Variants in RFX3 observed in about 807,000 individuals in gnomAD.
The protein encoded by RFX3 is transcription factor RFX3.
RFX3 carries 14 observed loss-of-function variants against 98.6 expected under a neutral mutation model. The observed-to-expected ratio is 0.14, with a 90% CI of 0.09 to 0.22. The LOEUF is 0.22. RFX3 is among the 10% of genes least tolerant of loss of function. The pLI, the probability that RFX3 is intolerant of heterozygous loss-of-function variation, is 1.00. For missense variants in RFX3, 639 were observed against 926.9 expected (o/e 0.69, Z 4.03); for synonymous variants, 383 against 328.4 (o/e 1.17, Z -1.80).
chr9:3,287,032 G>A (rs1017146260), intron 7 of RFX3, among the ~76,000 whole-genome samples: 1 of 151,824 alleles, frequency 6.6e-6, no homozygotes, highest in South Asian at 2.1e-4. Context: ...TTCCCAGACT[G>A]TATTCCATTT....
At chr9:3,345,325 A>G (rs1459653636) in intron 3 of RFX3, among the ~76,000 whole-genome samples, 13 of 152,292 alleles carry the variant, frequency 8.5e-5, no homozygotes, top group East Asian at 1.9e-4. Flanking sequence ...ATATTTGGGG[A>G]AAAATGCACA....
At chr9:3,352,466 A>G (rs937495235) in intron 2 of RFX3, among the ~76,000 whole-genome samples, 1 of 152,050 alleles carries the variant, frequency 6.6e-6, no homozygotes, top group Non-Finnish European at 1.5e-5. Flanking sequence ...AATATATTAC[A>G]TACATATTAA....
intron 1 of RFX3, among the ~76,000 whole-genome samples, chr9:3,459,686 C>T (rs1384924326): frequency 6.6e-6 from 1 of 151,966 alleles, no homozygotes; most frequent in Non-Finnish European, 1.5e-5. Flanking sequence ...CCTTTTTGTT[C>T]TGTGCTTCAG....
At chr9:3,326,206 T>C (rs978527428) in intron 4 of RFX3, among the ~76,000 whole-genome samples, 12 of 152,112 alleles carry the variant, frequency 7.9e-5, no homozygotes, top group African/African-American at 2.9e-4. Flanking sequence ...ACATGGACCA[T>C]ATAAAAGGAA....
chr9:3,465,706 A>G (rs1368017024), intron 1 of RFX3, among the ~76,000 whole-genome samples: 1 of 152,158 alleles, frequency 6.6e-6, no homozygotes, highest in Non-Finnish European at 1.5e-5. Flanking sequence ...TTTACAGTAT[A>G]CAAAGAAGAG....
chr9:3,394,680 G>C (rs547419493), intron 2 of RFX3: 2 of 241,428 alleles, frequency 8.3e-6, no homozygotes, highest in South Asian at 1.5e-4. Flanking sequence ...AATTGTAAGA[G>C]CAACGTTTGC....
intron 1 of RFX3, among the ~76,000 whole-genome samples, chr9:3,518,434 T>C (rs1457705104): frequency 6.6e-6 from 1 of 152,098 alleles, no homozygotes; most frequent in Non-Finnish European, 1.5e-5. Flanking sequence ...AACTAAACAC[T>C]TAACGGGAGT....
intron 15 of RFX3, among the ~76,000 whole-genome samples, chr9:3,245,756 A>G (rs1240072498): frequency 6.6e-6 from 1 of 152,116 alleles, no homozygotes; most frequent in Non-Finnish European, 1.5e-5. Context: ...TGTGGTTGCT[A>G]TTATTACTCA....
chr9:3,308,125 A>G (rs1829544721), intron 4 of RFX3, among the ~76,000 whole-genome samples: 1 of 152,156 alleles, frequency 6.6e-6, no homozygotes, highest in Non-Finnish European at 1.5e-5. Context: ...TATGTAATCT[A>G]TTAAATGATC....
chr9:3,289,424 A>G (rs1249625552), intron 6 of RFX3, among the ~76,000 whole-genome samples: 2 of 152,126 alleles, frequency 1.3e-5, no homozygotes, highest in Admixed American at 6.6e-5. Context: ...ACTTGCAGAG[A>G]TTAGATCTTG....
intron 2 of RFX3, among the ~76,000 whole-genome samples, chr9:3,353,643 T>C (rs1835415911): frequency 6.6e-6 from 1 of 151,982 alleles, no homozygotes; most frequent in South Asian, 2.1e-4. Flanking sequence ...CTCATCCTAA[T>C]GAAGCTAAAA....
intron 1 of RFX3, among the ~76,000 whole-genome samples, chr9:3,505,242 A>ATATT (rs1564186873): frequency 1.4e-4 from 10 of 73,758 alleles, no homozygotes; most frequent in Middle Eastern, 0.016. Context: ...ATATATATTT[A>ATATT]TATATATATG....
intron 13 of RFX3, among the ~76,000 whole-genome samples, chr9:3,262,455 G>C (rs1823038007): frequency 6.6e-6 from 1 of 152,076 alleles, no homozygotes; most frequent in African/African-American, 2.4e-5. Flanking sequence ...CTCTGAAATA[G>C]AATTGTTCTT....
chr9:3,524,286 C>T (rs1192957185), intron 1 of RFX3, among the ~76,000 whole-genome samples: 1 of 151,876 alleles, frequency 6.6e-6, no homozygotes, highest in Non-Finnish European at 1.5e-5. Context: ...CAAGAACCTA[C>T]TATATAAGGA....
rs190366752 is a variant in RFX3, at chr9:3,454,935, C to T, written c.-8-59339G>A. ...CTGAGACTCATACCCAAGTCTCCCG[C>T]CCCTAAATGTATCTTCATTGTCTCC... On this transcript the variant is annotated intron_variant, in intron 1 of 16. Coordinates refer to ENST00000617270, the MANE Select transcript of RFX3 (RefSeq NM_001282116.2). Among the ~76,000 whole-genome samples the T allele has an allele frequency of 4.0e-3, 606 of 152,260 alleles. 5 individuals carry two copies. Among genetic ancestry groups the T allele is most frequent in the African/African-American group, 0.014 (575 of 41,518 alleles).
intron 2 of RFX3, among the ~76,000 whole-genome samples, chr9:3,384,283 T>C (rs186748925): frequency 1.3e-5 from 2 of 152,286 alleles, no homozygotes; most frequent in Non-Finnish European, 2.9e-5. Flanking sequence ...TTTACTGGTT[T>C]CATGAAAGAG....
chr9:3,401,129 C>A (rs72699081), intron 1 of RFX3, among the ~76,000 whole-genome samples: 2,955 of 152,304 alleles, frequency 0.019, 41 homozygotes, highest in Non-Finnish European at 0.031. Context: ...GGAAGTATTT[C>A]TTCTCTTTCA....
intron 4 of RFX3, among the ~76,000 whole-genome samples, chr9:3,305,183 T>C (rs373991054): frequency 3.6e-4 from 54 of 152,076 alleles, no homozygotes; most frequent in African/African-American, 1.2e-3. Flanking sequence ...ACCTAGTTTG[T>C]AGGGCATGAG....
intron 3 of RFX3, among the ~76,000 whole-genome samples, chr9:3,338,542 C>G (rs1246271668): frequency 1.3e-5 from 2 of 152,154 alleles, no homozygotes; most frequent in Non-Finnish European, 2.9e-5. Context: ...TATGGTAGAA[C>G]AGTGGTTCTC....
Sources: allele counts gnomAD v4.1 joint callset (sites outside exome capture counted in the v4.1 genomes callset), GRCh38; gene constraint gnomAD v4.1.1; transcripts MANE v1.5; gene names NCBI Gene and HGNC (gene_info 2026-07-23, HGNC 2026-07-21).